TXNRD2: variants seen among roughly 807,000 people sequenced by gnomAD.
TXNRD2 encodes the protein thioredoxin reductase 2, mitochondrial.
TXNRD2 carries 67 observed loss-of-function variants against 70.8 expected under a neutral mutation model. The ratio of observed to expected loss-of-function variants is 0.95; its 90% CI spans 0.78 to 1.16. The LOEUF (loss-of-function observed/expected upper bound fraction) is 1.16, where lower values mean the gene tolerates loss of function less well. Among genes scored for constraint, TXNRD2 ranks in the 50% most tolerant of loss-of-function variants. The pLI is 0.00. For synonymous variants in TXNRD2, 301 were observed against 295.8 expected, an observed-to-expected ratio of 1.02 and a Z score of -0.18; for missense variants, 644 against 719.9, an observed-to-expected ratio of 0.89 and a Z score of 1.21.
chr22:19,922,162 A>C (rs1281613478), intron 2 of TXNRD2, among the ~76,000 whole-genome samples: 1 of 151,748 alleles, frequency 6.6e-6, no homozygotes, highest in Non-Finnish European at 1.5e-5. Context: ...TAAAGGGGAC[A>C]AAAAAAAATC....
At chr22:19,900,044 C>T (rs765510692) in intron 8 of TXNRD2, among the ~76,000 whole-genome samples, 6 of 152,220 alleles carry the variant, frequency 3.9e-5, no homozygotes, top group Admixed American at 2.6e-4. Flanking sequence ...TTTCAAAACA[C>T]GGTGTATCCC....
At chr22:19,935,297 C>T (rs995658670) in intron 1 of TXNRD2, among the ~76,000 whole-genome samples, 3 of 152,120 alleles carry the variant, frequency 2.0e-5, no homozygotes, top group South Asian at 2.1e-4. Context: ...GACTGAAATA[C>T]GCCCTGGTCT....
Position 19,909,936 on chromosome 22 carries a change from TCACACACCACA to T in TXNRD2, c.662+1430_662+1440del, listed in dbSNP as rs1207474943. On this transcript the variant is annotated intron_variant, in intron 8 of 17. Coordinates refer to ENST00000400521, the MANE Select transcript of TXNRD2 (RefSeq NM_006440.5). Reference sequence around the variant, plus strand: ...CACACCCTTCACACACACACACCACTCACACACCACACACACACACCACTCACACACACACC... The same window carrying T: ...CACACCCTTCACACACACACACCACTCACACACACCACTCACACACACACC... 1.8e-3 allele frequency among the ~76,000 whole-genome samples: 65 copies of T among 35,422 alleles called. 1 individual carries two copies. The highest frequency in any genetic ancestry group is 4.5e-3 in the Admixed American group (16 of 3,550). The allele number at this position is 35,422 out of a possible 152,430, so 23.2% of individuals were successfully genotyped here. A position where few individuals can be genotyped will look rare whatever the true frequency, so the allele number is the denominator to read the frequency against.
intron 8 of TXNRD2, chr22:19,902,943 T>C (rs1352111565): frequency 1.9e-6 from 1 of 518,794 alleles, no homozygotes; most frequent in Admixed American, 1.9e-5. Context: ...CTGGCTGGCT[T>C]CCGGACTTCC....
Position 19,921,735 on chromosome 22 carries a change from G to A in TXNRD2, c.173-2136C>T, listed in dbSNP as rs116801755. Among the ~76,000 whole-genome samples the A allele has an allele frequency of 6.2e-3, 941 of 152,282 alleles. 8 individuals are homozygous for A. The highest frequency in any genetic ancestry group is 0.02 in the African/African-American group (843 of 41,554). On this transcript the variant is annotated intron_variant, in intron 2 of 17. Coordinates refer to ENST00000400521, the MANE Select transcript of TXNRD2 (RefSeq NM_006440.5). ...TCATGCACAGAAGACAGTGAGGAGG[G>A]GGCTGCCCAGAGAATCTGAGAGATC... is the stretch of plus-strand genomic sequence containing the variant.
chr22:19,918,976 G>A lies in TXNRD2; in HGVS notation c.258C>T (p.Cys86=), dbSNP rs746744099. Residue 86 remains cysteine (C), a synonymous_variant, in exon 4 of 18, where the codon TGC becomes TGT. Transcript: ENST00000400521. ...TCTTGGGGATGCAGCCCACGTTGACGCAGGTGCCGCCGAGGCCCCACCGGG... is the reference window on the plus strand; with the variant it reads ...TCTTGGGGATGCAGCCCACGTTGACACAGGTGCCGCCGAGGCCCCACCGGG... ...QGTRWGLGGT[C]VNVGCIPKKL... is the part of the protein sequence containing the mutation. 7.4e-5 allele frequency: 119 copies of A among 1,611,628 alleles called. No homozygotes were observed. Among genetic ancestry groups the A allele is most frequent in the South Asian group, 1.9e-4 (17 of 91,060 alleles).
rs374917953 is a variant in TXNRD2 at position 19,901,093 on chromosome 22, G to C, written c.663-2025C>G. 5.9e-5 allele frequency among the ~76,000 whole-genome samples: 9 copies of C among 152,324 alleles called. No individual in the cohort carries two copies. The East Asian group carries it at 1.5e-3, about 26-fold the overall frequency. On this transcript the variant is annotated intron_variant, in intron 8 of 17. Transcript: ENST00000400521. ...TCCGGGCCTCCTAGCTCATTGCTAG[G>C]GATACAGCAACACACCCTCCTGATT... is the stretch of plus-strand genomic sequence containing the variant.
intron 8 of TXNRD2, chr22:19,911,074 A>T (rs534099513): frequency 8.8e-6 from 2 of 227,844 alleles, no homozygotes; most frequent in East Asian, 2.2e-4. Flanking sequence ...GAATTCACCT[A>T]AAAAAAAAAG....
intron 2 of TXNRD2, among the ~76,000 whole-genome samples, chr22:19,923,613 C>T (rs1330690268): frequency 3.9e-5 from 6 of 152,120 alleles, no homozygotes; most frequent in Non-Finnish European, 7.4e-5. Flanking sequence ...TGTAGTTTCA[C>T]GACCAGTAGT....
intron 8 of TXNRD2, among the ~76,000 whole-genome samples, chr22:19,905,935 T>C (rs983385036): frequency 1.4e-5 from 2 of 147,164 alleles, no homozygotes; most frequent in African/African-American, 2.5e-5. Flanking sequence ...AAAAAAAATC[T>C]TGGGGGTGGG....
chr22:19,904,476 G>A (rs915567309), intron 8 of TXNRD2, among the ~76,000 whole-genome samples: 1 of 152,260 alleles, frequency 6.6e-6, no homozygotes, highest in Admixed American at 6.5e-5. Context: ...CCAACTTGGG[G>A]CCCGAGGTGC....
At position 19,883,370 on chromosome 22, in the gene TXNRD2, T is replaced by C. The variant is rs760426715; in HGVS notation, c.1041A>G (p.Glu347=). ...DTQKILVDSR[E]ATSVPHIYAI... ...CGTAGATGTGGGGCACAGAGGTGGC[T>C]TCCCGGGAGTCCACCAGGATCTTCT... The change falls in exon 12 of 18, where the codon GAA becomes GAG. Residue 347 remains glutamate, a synonymous_variant. Transcript: ENST00000400521. 7 of 1,614,048 alleles carry C rather than the reference T, an allele frequency of 4.3e-6. No individual in the cohort carries two copies. The East Asian group carries it at 1.3e-4, about 31-fold the overall frequency.
intron 12 of TXNRD2, 125 bp from the exon 13 acceptor site, chr22:19,880,842 G>C: frequency 1.5e-6 from 1 of 678,208 alleles, no homozygotes; most frequent in Non-Finnish European, 2.6e-6. Context: ...CTGGCACCGA[G>C]CATGGTGACG....
chr22:19,934,872 T>C (rs897880329), intron 1 of TXNRD2, among the ~76,000 whole-genome samples: 19 of 152,206 alleles, frequency 1.2e-4, no homozygotes, highest in African/African-American at 4.3e-4. Flanking sequence ...CCCCAAGTAA[T>C]ACTTTTATAA....
intron 1 of TXNRD2, among the ~76,000 whole-genome samples, chr22:19,935,148 T>C (rs1941496365): frequency 6.6e-6 from 1 of 152,176 alleles, no homozygotes; most frequent in African/African-American, 2.4e-5. Context: ...TAAATGGACG[T>C]GCAAGTAGGA....
At chr22:19,921,104 C>A in intron 2 of TXNRD2, among the ~76,000 whole-genome samples, 1 of 112,288 alleles carries the variant, frequency 8.9e-6, no homozygotes, top group South Asian at 3.1e-4. Flanking sequence ...GAGACTCTGT[C>A]TCAAAAAAAA....
chr22:19,923,350 C>T (rs1311928215), intron 2 of TXNRD2, among the ~76,000 whole-genome samples: 1 of 152,156 alleles, frequency 6.6e-6, no homozygotes, highest in Non-Finnish European at 1.5e-5. Context: ...AAATGACCCA[C>T]CTTCTCCAAA....
At chr22:19,916,019 G>A (rs1940623447) in intron 5 of TXNRD2, 176 bp from the exon 6 acceptor site, 1 of 627,820 alleles carries the variant, frequency 1.6e-6, no homozygotes, top group African/African-American at 1.8e-5. Context: ...AGGGGATGTG[G>A]GGGCACCTCG....
At chr22:19,902,073 T>A (rs972526820) in intron 8 of TXNRD2, among the ~76,000 whole-genome samples, 1 of 152,316 alleles carries the variant, frequency 6.6e-6, no homozygotes, top group South Asian at 2.1e-4. Context: ...GGTATGCACC[T>A]GTAGTCCCGG....
Sources: allele counts gnomAD v4.1 joint callset (sites outside exome capture counted in the v4.1 genomes callset), GRCh38; gene constraint gnomAD v4.1.1; transcripts MANE v1.5; gene names NCBI Gene and HGNC (gene_info 2026-07-23, HGNC 2026-07-21).